NAGLU: variants seen among roughly 807,000 people sequenced by gnomAD.
NAGLU encodes the protein alpha-N-acetylglucosaminidase.
NAGLU carries 34 observed loss-of-function variants against 43.4 expected under a neutral mutation model. The observed-to-expected ratio is 0.78, with a 90% CI of 0.60 to 1.04. The LOEUF (loss-of-function observed/expected upper bound fraction) is 1.04. Among genes scored for constraint, NAGLU ranks in the 50% least tolerant of loss-of-function variants. The pLI, the probability that NAGLU is intolerant of heterozygous loss-of-function variation, is 0.00. For missense variants in NAGLU, 910 were observed against 993.7 expected (o/e 0.92, Z 1.13); for synonymous variants, 425 against 437.6 (o/e 0.97, Z 0.36).
intron 4 of NAGLU, among the ~76,000 whole-genome samples, chr17:42,540,163 C>T (rs2092917801): frequency 6.7e-6 from 1 of 149,882 alleles, no homozygotes; most frequent in Non-Finnish European, 1.5e-5. Context: ...CATGTTCTCA[C>T]TCATAGTGGG....
Position 42,543,431 on chromosome 17 carries a change from G to C in NAGLU, c.1425G>C (p.Val475=). The change falls in exon 6 of 6, where the codon GTG becomes GTC. Residue 475 remains valine, a synonymous_variant. Coordinates refer to ENST00000225927, the MANE Select transcript of NAGLU (RefSeq NM_000263.4). The stretch of plus-strand genomic sequence containing the variant: ...CAGTGCCAGATTTGGCAGCCTGGGT[G>C]ACCAGCTTTGCCGCCCGGCGGTATG... ...KDPVPDLAAW[V]TSFAARRYGV... The C allele has an allele frequency of 6.2e-7, 1 of 1,600,420 alleles. No homozygotes were observed. The highest frequency in any genetic ancestry group is 1.3e-5 in the African/African-American group (1 of 74,854).
intron 4 of NAGLU, among the ~76,000 whole-genome samples, chr17:42,538,998 T>G (rs1245909329): frequency 2.6e-5 from 4 of 152,214 alleles, no homozygotes; most frequent in Non-Finnish European, 5.9e-5. Flanking sequence ...GGCACGCGCC[T>G]GTAATCCCAT....
chr17:42,544,368 C>T lies in NAGLU; in HGVS notation c.*130C>T. On this transcript the variant is annotated 3_prime_UTR_variant, in exon 6 of 6. Transcript: ENST00000225927. The stretch of plus-strand genomic sequence containing the variant: ...CCACGGCCTGCTGGTGGGGTCTGAC[C>T]TGGGGGGATTGGAGGGAAATGACCT... The T allele has an allele frequency of 1.4e-6, 2 of 1,407,572 alleles. No homozygotes were observed. The highest frequency in any genetic ancestry group is 4.7e-5 in the East Asian group (2 of 42,556). 87.2% of individuals were successfully genotyped at this position (1,407,572 alleles called of 1,614,324 possible). A position where few individuals can be genotyped will look rare whatever the true frequency, so the allele number is the denominator to read the frequency against.
intron 2 of NAGLU, 68 bp from the exon 3 acceptor site, chr17:42,538,270 TG>T: frequency 6.2e-7 from 1 of 1,607,906 alleles, no homozygotes; most frequent in Admixed American, 1.7e-5. Context: ...AATGAGTGAA[TG>T]GTTGTTGAAT....
chr17:42,542,549 A>G (rs1251725763), intron 5 of NAGLU, among the ~76,000 whole-genome samples: 2 of 152,226 alleles, frequency 1.3e-5, no homozygotes, highest in African/African-American at 2.4e-5. Flanking sequence ...ACTGGAGTGC[A>G]GTGGCACAAT....
At chr17:42,540,747 A>G (rs1282453729) in intron 4 of NAGLU, among the ~76,000 whole-genome samples, 2 of 151,916 alleles carry the variant, frequency 1.3e-5, no homozygotes, top group East Asian at 3.9e-4. Context: ...TTCAGGCCAC[A>G]GGAAGGGGAG....
rs1303189795 is a variant in NAGLU at position 42,542,898 on chromosome 17, C to T, written c.1022-130C>T. On this transcript the variant is annotated intron_variant, in intron 5 of 5. Transcript: ENST00000225927. ...AGAGGGACGCGTATGTGCCACAGAGCGTCCCGCTGGTGGGGGTCATGGGAA... is the reference window on the plus strand; with the variant it reads ...AGAGGGACGCGTATGTGCCACAGAGTGTCCCGCTGGTGGGGGTCATGGGAA... 4.1e-4 allele frequency: 570 copies of T among 1,389,958 alleles called. 4 individuals are homozygous for T. Among genetic ancestry groups the T allele is most frequent in the East Asian group, 4.6e-5 (2 of 43,860 alleles). 86.1% of individuals were successfully genotyped at this position (1,389,958 alleles called of 1,614,324 possible). A position where few individuals can be genotyped will look rare whatever the true frequency, so the allele number is the denominator to read the frequency against.
chr17:42,538,278 G>A, intron 2 of NAGLU, 61 bp from the exon 3 acceptor site: 1 of 1,581,052 alleles, frequency 6.3e-7, no homozygotes, highest in Non-Finnish European at 8.6e-7. Flanking sequence ...AATGGTTGTT[G>A]AATGAATGAA....
intron 1 of NAGLU, chr17:42,537,044 T>C: frequency 2.2e-6 from 1 of 456,282 alleles, no homozygotes; most frequent in South Asian, 2.1e-5. Context: ...TATGGAGTGA[T>C]GTGTTCACAC....
intron 1 of NAGLU, chr17:42,536,947 T>C: frequency 1.8e-6 from 1 of 540,878 alleles, no homozygotes; most frequent in Non-Finnish European, 3.1e-6. Context: ...CTTGCCTTCC[T>C]CCCCCACCTT....
At position 42,543,784 on chromosome 17, in the gene NAGLU, G is replaced by A. The variant is rs1274337932; in HGVS notation, c.1778G>A (p.Arg593Lys). 3.1e-6 allele frequency: 5 copies of A among 1,609,990 alleles called. No homozygotes were observed. The highest frequency in any genetic ancestry group is 1.7e-4 in the Middle Eastern group (1 of 6,050). ...YLSKELASLL[R>K]AGGVLAYELL... is the part of the protein sequence containing the mutation. ...AGCAAGGAGCTGGCCTCCCTGTTGA[G>A]GGCTGGAGGCGTCCTGGCCTATGAG... The change falls in exon 6 of 6, where the codon AGG (arginine) becomes AAG (lysine). Residue 593 changes from arginine to lysine, a missense_variant. Transcript: ENST00000225927.
chr17:42,537,872 A>AC (rs1413711880), intron 2 of NAGLU, among the ~76,000 whole-genome samples: 2 of 151,880 alleles, frequency 1.3e-5, no homozygotes, highest in African/African-American at 4.8e-5. Flanking sequence ...AAAAAAAAAA[A>AC]AAAAAAAACT....
rs1207098238 is a variant in NAGLU at position 42,543,565 on chromosome 17, G to A, written c.1559G>A (p.Arg520Gln). The A allele has an allele frequency of 1.2e-5, 19 of 1,612,038 alleles. No homozygotes were observed. Among genetic ancestry groups the A allele is most frequent in the South Asian group, 3.3e-5 (3 of 91,008 alleles). ...RGHNRSPLVR[R>Q]PSLQMNTSIW... ...CACAATCGTAGCCCGCTGGTCAGGC[G>A]GCCGTCCCTACAGATGAATACCAGC... Residue 520 changes from arginine to glutamine, a missense_variant, in exon 6 of 6, where the codon CGG (arginine) becomes CAG (glutamine). By Grantham distance (43) the Arg-to-Gln change is conservative. Transcript: ENST00000225927.
At position 42,536,917 on chromosome 17, in the gene NAGLU, A is replaced by G. The variant is rs950768896; in HGVS notation, c.383+262A>G. The G allele has an allele frequency of 3.0e-5, 21 of 697,732 alleles. No homozygotes were observed. In the South Asian group the frequency reaches 3.6e-4, roughly 12 times the overall value. 43.2% of individuals were successfully genotyped at this position (697,732 alleles called of 1,614,324 possible). ...ATGGGCATAGAATTTGTGGTGCACA[A>G]TTGGTGATGAGTGAATTTTCTTGCC... On this transcript the variant is annotated intron_variant, in intron 1 of 5. Transcript: ENST00000225927.
Position 42,541,092 on chromosome 17 carries a change from T to G in NAGLU, c.907T>G (p.Phe303Val). ...CTTCCTGCGAGAGCTGATCAAAGAGTTTGGCACAGACCACATCTATGGGGC... is the reference window on the plus strand; with the variant it reads ...CTTCCTGCGAGAGCTGATCAAAGAGGTTGGCACAGACCACATCTATGGGGC... ...SLFLRELIKE[F>V]GTDHIYGADT... Residue 303 changes from phenylalanine (F) to valine (V), a missense_variant, in exon 5 of 6, where the codon TTT (phenylalanine) becomes GTT (valine). Coordinates refer to ENST00000225927, the MANE Select transcript of NAGLU (RefSeq NM_000263.4). 6.2e-7 allele frequency: 1 copy of G among 1,613,976 alleles called. No homozygotes were observed. Among genetic ancestry groups the G allele is most frequent in the East Asian group, 2.2e-5 (1 of 44,874 alleles).
intron 2 of NAGLU, among the ~76,000 whole-genome samples, 161 bp downstream of exon 2, chr17:42,537,706 G>C (rs1049410427): frequency 1.3e-5 from 2 of 152,122 alleles, no homozygotes; most frequent in South Asian, 4.1e-4. Context: ...GGCCGGGCGC[G>C]GTGGCTCACG....
At position 42,543,592 on chromosome 17, in the gene NAGLU, T is replaced by C; in HGVS notation, c.1586T>C (p.Ile529Thr). Residue 529 changes from isoleucine (I) to threonine (T), a missense_variant, in exon 6 of 6, where the codon ATC (isoleucine) becomes ACC (threonine). Transcript: ENST00000225927. ...RRPSLQMNTS[I>T]WYNRSDVFEA... ...CCGTCCCTACAGATGAATACCAGCA[T>C]CTGGTACAACCGATCTGATGTGTTT... The C allele has an allele frequency of 6.2e-7, 1 of 1,613,084 alleles. No individual in the cohort carries two copies. The highest frequency in any genetic ancestry group is 8.5e-7 in the Non-Finnish European group (1 of 1,180,016).
rs1599262710 is a variant in NAGLU at position 42,544,358 on chromosome 17, G to A, written c.*120G>A. Reference sequence around the variant, plus strand: ...GGAGGAGGCCCCACGGCCTGCTGGTGGGGTCTGACCTGGGGGGATTGGAGG... The same window carrying A: ...GGAGGAGGCCCCACGGCCTGCTGGTAGGGTCTGACCTGGGGGGATTGGAGG... On this transcript the variant is annotated 3_prime_UTR_variant, in exon 6 of 6. Transcript: ENST00000225927. The A allele has an allele frequency of 8.8e-6, 13 of 1,483,402 alleles. No homozygotes were observed. The highest frequency in any genetic ancestry group is 1.9e-4 in the Middle Eastern group (1 of 5,168). The allele number at this position is 1,483,402 out of a possible 1,614,324, so 91.9% of individuals were successfully genotyped here.
intron 5 of NAGLU, 145 bp from the exon 6 acceptor site, chr17:42,542,882 CG>C (rs1487686944): frequency 8.1e-7 from 1 of 1,238,924 alleles, no homozygotes; most frequent in Non-Finnish European, 1.2e-6. Context: ...CAGAGGGACG[CG>C]TATGTGCCAC....
Sources: gnomAD v4.1 joint callset for allele counts (sites outside exome capture counted in the v4.1 genomes callset) on GRCh38, gnomAD v4.1.1 for gene constraint, MANE v1.5 for transcripts, NCBI Gene and HGNC (gene_info 2026-07-23, HGNC 2026-07-21) for gene names.